NAALADL2: variants seen among roughly 807,000 people sequenced by gnomAD.
The protein encoded by NAALADL2 is N-acetylated alpha-linked acidic dipeptidase like 2.
A neutral mutation model predicts 87.2 loss-of-function variants in NAALADL2; 76 were observed. The ratio of observed to expected loss-of-function variants is 0.87; its 90% CI spans 0.72 to 1.05. NAALADL2 has a LOEUF of 1.05. Ranked by LOEUF, NAALADL2 falls within the 50% of genes least tolerant of loss-of-function variation. NAALADL2 has a pLI of 0.00. For synonymous variants in NAALADL2, 354 were observed against 331.0 expected (o/e 1.07, Z -0.75); for missense variants, 1,089 against 945.8 (o/e 1.15, Z -1.99).
chr3:174,794,223 T>G (rs1045438960), intron 3 of NAALADL2, among the ~76,000 whole-genome samples: 8 of 152,162 alleles, frequency 5.3e-5, no homozygotes, highest in African/African-American at 1.9e-4. Context: ...GATAGTCTTC[T>G]GCCCAATGTG....
intron 2 of NAALADL2, among the ~76,000 whole-genome samples, chr3:174,679,362 T>TCA (rs1442202543): frequency 9.9e-5 from 15 of 152,284 alleles, no homozygotes; most frequent in African/African-American, 3.4e-4. Context: ...TATCTTTAAT[T>TCA]TTAGAATTTC....
At chr3:174,902,684 G>A (rs1259864408) in intron 1 of NAALADL2, among the ~76,000 whole-genome samples, 2 of 152,070 alleles carry the variant, frequency 1.3e-5, no homozygotes, top group African/African-American at 4.8e-5. Flanking sequence ...ATTGAAACTT[G>A]TTACTGAATA....
chr3:175,780,720 C>G lies in NAALADL2; in HGVS notation c.2190-22285C>G, dbSNP rs1344051255. Among the ~76,000 whole-genome samples the G allele has an allele frequency of 2.0e-5, 3 of 152,062 alleles. No homozygotes were observed. In the East Asian group the frequency reaches 5.8e-4, roughly 29 times the overall value. On this transcript the variant is annotated intron_variant, in intron 13 of 13. Transcript: ENST00000454872. ...TCAAATTCCATTAAAAAAGATAAAGCAAAATTTACCTTGCTACATGGAGTT... is the reference window on the plus strand; with the variant it reads ...TCAAATTCCATTAAAAAAGATAAAGGAAAATTTACCTTGCTACATGGAGTT...
intron 3 of NAALADL2, among the ~76,000 whole-genome samples, chr3:174,805,873 A>C (rs115464043): frequency 2.0e-5 from 3 of 149,192 alleles, no homozygotes; most frequent in African/African-American, 7.3e-5. Flanking sequence ...TTTAGCATAA[A>C]TTATCTACAA....
intron 1 of NAALADL2, among the ~76,000 whole-genome samples, chr3:174,893,697 A>T (rs1663662925): frequency 6.6e-6 from 1 of 152,200 alleles, no homozygotes; most frequent in African/African-American, 2.4e-5. Flanking sequence ...ACCTCAACCA[A>T]TAAATAAAAA....
At chr3:175,795,883 G>C (rs1753415999) in intron 13 of NAALADL2, among the ~76,000 whole-genome samples, 1 of 151,622 alleles carries the variant, frequency 6.6e-6, no homozygotes, top group African/African-American at 2.4e-5. Context: ...GGTTCTTCTG[G>C]TTGTGGCTGG....
At chr3:175,417,058 T>C (rs912639892) in intron 5 of NAALADL2, among the ~76,000 whole-genome samples, 1 of 147,666 alleles carries the variant, frequency 6.8e-6, no homozygotes. Context: ...TAAATTTGGT[T>C]ACAATTGGGT....
intron 11 of NAALADL2, among the ~76,000 whole-genome samples, chr3:175,730,580 G>GTTTTTATC: frequency 6.6e-6 from 1 of 150,770 alleles, no homozygotes; most frequent in East Asian, 2.0e-4. Flanking sequence ...TCTATGTATA[G>GTTTTTATC]TTTTTATCTT....
At chr3:175,033,997 T>A (rs893602999) in intron 1 of NAALADL2, among the ~76,000 whole-genome samples, 3 of 152,180 alleles carry the variant, frequency 2.0e-5, no homozygotes, top group Admixed American at 2.0e-4. Flanking sequence ...CCAAACCTAT[T>A]CTTCTTGTAG....
chr3:175,055,935 G>T (rs1559967703), intron 1 of NAALADL2, among the ~76,000 whole-genome samples: 1 of 152,246 alleles, frequency 6.6e-6, no homozygotes, highest in Non-Finnish European at 1.5e-5. Flanking sequence ...GAATTTAAAA[G>T]AAAAAGGACC....
intron 2 of NAALADL2, among the ~76,000 whole-genome samples, chr3:175,219,008 T>C (rs1348724432): frequency 6.6e-6 from 1 of 152,028 alleles, no homozygotes; most frequent in Non-Finnish European, 1.5e-5. Flanking sequence ...ATTATATAAA[T>C]ATGTGGCCAA....
chr3:174,990,619 A>G (rs1318445871), intron 1 of NAALADL2, among the ~76,000 whole-genome samples: 1 of 152,152 alleles, frequency 6.6e-6, no homozygotes, highest in African/African-American at 2.4e-5. Flanking sequence ...GATAAAAACC[A>G]AAAAAAGCTG....
At chr3:174,829,890 GT>G (rs1289255440) in intron 3 of NAALADL2, among the ~76,000 whole-genome samples, 12 of 135,984 alleles carry the variant, frequency 8.8e-5, no homozygotes, top group African/African-American at 3.3e-4. Context: ...TTTTTCATGT[GT>G]TTTTTGGCTG....
chr3:175,052,679 A>T (rs1755571932), intron 1 of NAALADL2, among the ~76,000 whole-genome samples: 1 of 120,090 alleles, frequency 8.3e-6, no homozygotes, highest in Admixed American at 1.1e-4. Context: ...TGTTCTTTTA[A>T]TATTTTGCAA....
rs1277402830 is a variant in NAALADL2, at chr3:174,698,614, C to T, written c.-114-39027C>T. Among the ~76,000 whole-genome samples the T allele has an allele frequency of 3.1e-5, 3 of 95,800 alleles. 1 individual carries two copies. Among genetic ancestry groups the T allele is most frequent in the African/African-American group, 2.2e-4 (3 of 13,780 alleles). 62.8% of individuals were successfully genotyped at this position (95,800 alleles called of 152,430 possible). ...GCGCGGTGGCTCACGCCTGTAATCC[C>T]AGCACTTTGGGAGGCCGAGGCGGGC... On this transcript the variant is annotated intron_variant, in intron 2 of 3. Transcript: ENST00000434257.
At chr3:175,007,150 T>TTAAAAAAAA (rs1349127659) in intron 1 of NAALADL2, among the ~76,000 whole-genome samples, 2 of 70,342 alleles carry the variant, frequency 2.8e-5, no homozygotes, top group Non-Finnish European at 3.7e-5. Flanking sequence ...TTTTATAGGA[T>TTAAAAAAAA]AAAAAAAAAA....
chr3:174,476,038 T>G (rs900959821), intron 1 of NAALADL2, among the ~76,000 whole-genome samples: 5 of 152,022 alleles, frequency 3.3e-5, no homozygotes, highest in African/African-American at 1.2e-4. Context: ...TGCATTTTAT[T>G]CAAACTTTAC....
chr3:175,319,563 T>C (rs1024014074), intron 4 of NAALADL2, among the ~76,000 whole-genome samples: 2 of 152,218 alleles, frequency 1.3e-5, no homozygotes, highest in African/African-American at 4.8e-5. Flanking sequence ...CTCACACCTA[T>C]AATCCCAGCC....
chr3:174,681,287 C>A (rs1434365706), intron 2 of NAALADL2, among the ~76,000 whole-genome samples: 1 of 152,146 alleles, frequency 6.6e-6, no homozygotes, highest in Non-Finnish European at 1.5e-5. Context: ...AATTCCTGGG[C>A]AAGTGCTGAT....
Sources: allele counts gnomAD v4.1 joint callset (sites outside exome capture counted in the v4.1 genomes callset), GRCh38; gene constraint gnomAD v4.1.1; transcripts MANE v1.5; gene names NCBI Gene and HGNC (gene_info 2026-07-23, HGNC 2026-07-21).